The following CFAP221 variants were observed in gnomAD, a reference collection of about 807,000 sequenced individuals.
The protein encoded by CFAP221 is cilia and flagella associated protein 221.
CFAP221 carries 97 observed loss-of-function variants against 113.1 expected under a neutral mutation model. That is an observed-to-expected ratio of 0.86 (90% CI 0.73 to 1.02). The LOEUF is 1.02. Among genes scored for constraint, CFAP221 ranks in the 50% least tolerant of loss-of-function variants. The pLI, the probability that CFAP221 is intolerant of heterozygous loss-of-function variation, is 0.00. For synonymous variants in CFAP221, 331 were observed against 354.4 expected (o/e 0.93, Z 0.74); for missense variants, 1,025 against 1,013.4 (o/e 1.01, Z -0.16).
In CFAP221 at chr2:119,604,767, C is replaced by G. The variant is rs745914615; in HGVS notation, c.887C>G (p.Ala296Gly). Reference protein sequence around the residue: ...MMHINFHRPPAKPKPQKVKEI... With the variant: ...MMHINFHRPPGKPKPQKVKEI... ...CATATAAATTTTCACCGACCGCCAG[C>G]GAAGCCGAAGCCTCAGAAGGTGAAG... The change falls in exon 9 of 24, where the codon GCG (alanine) becomes GGG (glycine). Residue 296 changes from alanine to glycine, a missense_variant. By Grantham distance (60) the Ala-to-Gly change is moderately conservative. Transcript: ENST00000413369. 1.9e-6 allele frequency: 3 copies of G among 1,541,884 alleles called. No individual in the cohort carries two copies. In the African/African-American group the frequency reaches 4.2e-5, roughly 21 times the overall value.
Position 119,647,053 on chromosome 2 carries a change from A to AC in CFAP221, c.2318+3_2318+4insC, listed in dbSNP as rs762549742. On this transcript the variant is annotated splice_donor_region_variant and intron_variant, in intron 22 of 23. Coordinates refer to ENST00000413369, the MANE Select transcript of CFAP221 (RefSeq NM_001271049.2). ...GACAGACTAGAAACAGTAGAACGGT[A>AC]TTTTTTTTTTTTTTAATCTTTGGCC... 9.9e-7 allele frequency: 1 copy of AC among 1,011,242 alleles called. No homozygotes were observed. Among genetic ancestry groups the AC allele is most frequent in the Non-Finnish European group, 1.4e-6 (1 of 713,238 alleles). The allele number at this position is 1,011,242 out of a possible 1,614,324, so 62.6% of individuals were successfully genotyped here.
intron 6 of CFAP221, among the ~76,000 whole-genome samples, chr2:119,568,535 C>G (rs1382979342): frequency 6.6e-6 from 1 of 152,136 alleles, no homozygotes; most frequent in African/African-American, 2.4e-5. Flanking sequence ...GTTCCCCTCC[C>G]TGTGTCCATG....
At chr2:119,632,655 A>C (rs1001566682) in intron 19 of CFAP221, among the ~76,000 whole-genome samples, 2 of 151,784 alleles carry the variant, frequency 1.3e-5, no homozygotes, top group Non-Finnish European at 2.9e-5. Flanking sequence ...AAAATAAATA[A>C]AAGGTACCCA....
At chr2:119,617,793 TCCG>T in intron 14 of CFAP221, among the ~76,000 whole-genome samples, 1 of 152,202 alleles carries the variant, frequency 6.6e-6, no homozygotes, top group Admixed American at 6.5e-5. Context: ...GCTGAAACCC[TCCG>T]AAGATGTTCT....
chr2:119,635,899 G>A (rs1208985638), intron 19 of CFAP221, among the ~76,000 whole-genome samples: 3 of 152,106 alleles, frequency 2.0e-5, no homozygotes, highest in Non-Finnish European at 4.4e-5. Context: ...GAGTCTCGAA[G>A]ACTCAAGGAT....
chr2:119,615,616 C>A lies in CFAP221; in HGVS notation c.1317C>A (p.Ile439=), dbSNP rs1158248368. 1.2e-6 allele frequency: 2 copies of A among 1,602,156 alleles called. No individual in the cohort carries two copies. Among genetic ancestry groups the A allele is most frequent in the Non-Finnish European group, 1.7e-6 (2 of 1,173,902 alleles). Residue 439 remains isoleucine, a synonymous_variant, in exon 14 of 24, where the codon ATC becomes ATA. Coordinates refer to ENST00000413369, the MANE Select transcript of CFAP221 (RefSeq NM_001271049.2). ...CCTATATTTTATATTCACAGAAAAT[C>A]AAGGAATTTCATCCTACTTTTGATC... ...KRVVRNQEEK[I]KEFHPTFDPL...
intron 2 of CFAP221, among the ~76,000 whole-genome samples, chr2:119,548,843 A>G (rs2105007556): frequency 6.6e-6 from 1 of 152,320 alleles, no homozygotes; most frequent in African/African-American, 2.4e-5. Context: ...GTAACAGACA[A>G]TCTACCTGAC....
chr2:119,626,731 C>T (rs1014617670), intron 15 of CFAP221, among the ~76,000 whole-genome samples: 5 of 151,944 alleles, frequency 3.3e-5, no homozygotes, highest in African/African-American at 9.7e-5. Context: ...CCCAGGAGTT[C>T]GAGACAAGCC....
chr2:119,562,093 C>T lies in CFAP221; in HGVS notation c.506C>T (p.Ser169Leu), dbSNP rs1387982764. The stretch of plus-strand genomic sequence containing the variant: ...GACTTTCCTTCATTTATAAATCTGT[C>T]AAATGTTCTACTTGGTGAAAGGTGA... The part of the protein sequence containing the change: ...SLDFPSFINL[S>L]NVLLGESKTY... Residue 169 changes from serine to leucine, a missense_variant, in exon 6 of 24, where the codon TCA (serine) becomes TTA (leucine). Transcript: ENST00000413369. The T allele has an allele frequency of 2.6e-6, 4 of 1,533,872 alleles. No individual in the cohort carries two copies. The African/African-American group carries it at 4.1e-5, about 16-fold the overall frequency.
chr2:119,583,255 A>G (rs1190808672), intron 6 of CFAP221, among the ~76,000 whole-genome samples: 1 of 152,184 alleles, frequency 6.6e-6, no homozygotes, highest in East Asian at 1.9e-4. Context: ...GTAAAAAATT[A>G]AAGTATTTCC....
chr2:119,564,528 C>G (rs1681486289), intron 6 of CFAP221, among the ~76,000 whole-genome samples: 1 of 152,018 alleles, frequency 6.6e-6, no homozygotes, highest in South Asian at 2.1e-4. Flanking sequence ...ATAACCATTC[C>G]CTGGGTTTAC....
downstream of CFAP221, chr2:119,660,195 A>G (rs1003381903): frequency 1.3e-5 from 2 of 152,218 alleles, no homozygotes; most frequent in African/African-American, 2.4e-5. Context: ...GCCCCTTGGA[A>G]AGATTGTATT....
rs763419042 is a variant in CFAP221, at chr2:119,639,863, C to T, written c.2216C>T (p.Thr739Ile). 3.4e-5 allele frequency: 55 copies of T among 1,613,508 alleles called. No homozygotes were observed. Among genetic ancestry groups the T allele is most frequent in the Non-Finnish European group, 4.1e-5 (48 of 1,179,558 alleles). The change falls in exon 21 of 24, where the codon ACC becomes ATC. Residue 739 changes from threonine to isoleucine, a missense_variant. Physicochemically the swap from Thr to Ile is moderately conservative, Grantham distance 89. Transcript: ENST00000413369. ...CTGCCGGACCCCTCCAAGATGGAGA[C>T]CACAAAGAGGTAAGCACAGCTCATC... ...SSLPDPSKME[T>I]TKSCDSFNSF...
chr2:119,605,227 G>A lies in CFAP221; in HGVS notation c.1071G>A (p.Glu357=), dbSNP rs1387029209. The A allele has an allele frequency of 6.2e-7, 1 of 1,614,076 alleles. No individual in the cohort carries two copies. Among genetic ancestry groups the A allele is most frequent in the African/African-American group, 1.3e-5 (1 of 74,936 alleles). The part of the protein sequence containing the change: ...TEISKTRQMK[E]ALFEQKVRQD... Reference sequence around the variant, plus strand: ...TTTCAAAAACGAGACAGATGAAGGAGGCACTCTTTGAACAGAAAGTCAGAC... The same window carrying A: ...TTTCAAAAACGAGACAGATGAAGGAAGCACTCTTTGAACAGAAAGTCAGAC... The change falls in exon 11 of 24, where the codon GAG becomes GAA. Residue 357 remains glutamate (E), a synonymous_variant. Coordinates refer to ENST00000413369, the MANE Select transcript of CFAP221 (RefSeq NM_001271049.2).
At chr2:119,581,953 A>G (rs943428239) in intron 6 of CFAP221, among the ~76,000 whole-genome samples, 2 of 152,152 alleles carry the variant, frequency 1.3e-5, no homozygotes, top group Non-Finnish European at 2.9e-5. Flanking sequence ...AAAAGCTGCC[A>G]GAGAGAAAAG....
intron 10 of CFAP221, 56 bp downstream of exon 10, chr2:119,605,043 G>A (rs1258099434): frequency 6.5e-7 from 1 of 1,541,050 alleles, no homozygotes; most frequent in African/African-American, 1.4e-5. Context: ...AAGAGTCATT[G>A]CTGGTCACAC....
chr2:119,640,010 T>C, intron 21 of CFAP221, 138 bp downstream of exon 21: 1 of 673,242 alleles, frequency 1.5e-6, no homozygotes, highest in East Asian at 2.7e-5. Context: ...GTCAAAGAAA[T>C]TTGATGATGT....
At chr2:119,554,351 A>G (rs575228902) in intron 3 of CFAP221, among the ~76,000 whole-genome samples, 1 of 152,346 alleles carries the variant, frequency 6.6e-6, no homozygotes, top group South Asian at 2.1e-4. Context: ...AAAATTTGAA[A>G]TAATGGTCCC....
intron 7 of CFAP221, among the ~76,000 whole-genome samples, chr2:119,592,938 T>C (rs1467588824): frequency 3.3e-5 from 5 of 152,238 alleles, no homozygotes; most frequent in African/African-American, 1.2e-4. Flanking sequence ...AGGATATGTA[T>C]TGGTGTTGTT....
Sources: allele counts gnomAD v4.1 joint callset (sites outside exome capture counted in the v4.1 genomes callset), GRCh38; gene constraint gnomAD v4.1.1; transcripts MANE v1.5; gene names NCBI Gene and HGNC (gene_info 2026-07-23, HGNC 2026-07-21).